Variants in COL4A3 observed in about 807,000 individuals in gnomAD.
COL4A3 encodes the protein collagen alpha-3(IV) chain.
In COL4A3, 135 loss-of-function variants were observed where a neutral mutation model predicts 217.4. The ratio of observed to expected loss-of-function variants is 0.62; its 90% CI spans 0.54 to 0.72. The LOEUF (loss-of-function observed/expected upper bound fraction) is 0.72. Among genes scored for constraint, COL4A3 ranks in the 30% least tolerant of loss-of-function variants. The pLI is 0.00. For synonymous variants in COL4A3, 690 were observed against 736.3 expected (o/e 0.94, Z 1.02); for missense variants, 1,868 against 2,119.9 (o/e 0.88, Z 2.33).
intron 1 of COL4A3, among the ~76,000 whole-genome samples, chr2:227,180,835 C>T (rs1016956419): frequency 6.6e-6 from 1 of 152,172 alleles, no homozygotes; most frequent in Non-Finnish European, 1.5e-5. Flanking sequence ...TTTTTATACT[C>T]ATTTAATTCT....
At position 227,237,907 on chromosome 2, in the gene COL4A3, T is replaced by C. The variant is rs1015643525; in HGVS notation, c.88-61T>C. ...CAGAGAAATGCATTTGCTTTTACCCTGCCGGTTGGGATTTATTCAGCTGTT... is the reference window on the plus strand; with the variant it reads ...CAGAGAAATGCATTTGCTTTTACCCCGCCGGTTGGGATTTATTCAGCTGTT... On this transcript the variant is annotated intron_variant, in intron 1 of 51. Transcript: ENST00000396578. 4 of 1,265,438 alleles carry C rather than the reference T, an allele frequency of 3.2e-6. No homozygotes were observed. In the African/African-American group the frequency reaches 4.4e-5, roughly 14 times the overall value. The allele number at this position is 1,265,438 out of a possible 1,614,324, so 78.4% of individuals were successfully genotyped here.
At chr2:227,165,133 G>A (rs965685239) in intron 1 of COL4A3, among the ~76,000 whole-genome samples, 1 of 152,162 alleles carries the variant, frequency 6.6e-6, no homozygotes, top group Admixed American at 6.5e-5. Context: ...AATCGCCAGG[G>A]ATGATACGTG....
chr2:227,227,216 C>T (rs2068144212), intron 1 of COL4A3, among the ~76,000 whole-genome samples: 1 of 152,160 alleles, frequency 6.6e-6, no homozygotes, highest in Non-Finnish European at 1.5e-5. Context: ...ATTTTACGTC[C>T]CATCATGAGG....
Position 227,289,267 on chromosome 2 carries a change from T to C in COL4A3, c.2980+19T>C, listed in dbSNP as rs773456839. On this transcript the variant is annotated intron_variant, in intron 35 of 51. Coordinates refer to ENST00000396578, the MANE Select transcript of COL4A3 (RefSeq NM_000091.5). ...CCACCAGGTACAGCTGATTCTCAAATAGAAAAATATCACATTTTACACTTT... is the reference window on the plus strand; with the variant it reads ...CCACCAGGTACAGCTGATTCTCAAACAGAAAAATATCACATTTTACACTTT... 5 of 1,591,616 alleles carry C rather than the reference T, an allele frequency of 3.1e-6. No individual in the cohort carries two copies. The African/African-American group carries it at 5.4e-5, about 17-fold the overall frequency.
intron 21 of COL4A3, among the ~76,000 whole-genome samples, chr2:227,266,178 CCA>C (rs1491103045): frequency 6.7e-6 from 1 of 148,606 alleles, no homozygotes; most frequent in Non-Finnish European, 1.5e-5. Context: ...GATTCTGTGA[CCA>C]AAAAAAAAAA....
At chr2:227,251,105 T>G in intron 9 of COL4A3, 35 bp from the exon 10 acceptor site, 1 of 1,528,162 alleles carries the variant, frequency 6.5e-7, no homozygotes, top group Non-Finnish European at 9.1e-7. Context: ...GAGAAGTAAA[T>G]TTAAACTTAC....
chr2:227,276,208 A>G (rs1457456823), intron 26 of COL4A3, among the ~76,000 whole-genome samples, 177 bp from the exon 27 acceptor site: 1 of 152,282 alleles, frequency 6.6e-6, no homozygotes, highest in Non-Finnish European at 1.5e-5. Flanking sequence ...TGTTGATTCA[A>G]TAAGAAAGTT....
intron 1 of COL4A3, among the ~76,000 whole-genome samples, chr2:227,220,180 CTTTTTTTT>C (rs534893588): frequency 2.4e-5 from 2 of 82,976 alleles, no homozygotes; most frequent in African/African-American, 4.9e-5. Context: ...GAGACAAAGC[CTTTTTTTT>C]TTTTTTTTTT....
intron 1 of COL4A3, among the ~76,000 whole-genome samples, chr2:227,220,158 GTGTGTGTT>G (rs1442436223): frequency 1.4e-5 from 2 of 147,362 alleles, no homozygotes; most frequent in African/African-American, 5.0e-5. Context: ...GTGTGTGTGT[GTGTGTGTT>G]TCAGAGACAA....
intron 1 of COL4A3, among the ~76,000 whole-genome samples, chr2:227,203,270 T>C (rs1177400140): frequency 2.4e-4 from 5 of 20,914 alleles, no homozygotes; most frequent in Non-Finnish European, 7.0e-4. Flanking sequence ...CATATATGTG[T>C]ATATATGTGT....
intron 1 of COL4A3, among the ~76,000 whole-genome samples, chr2:227,236,146 T>C (rs949919358): frequency 7.9e-5 from 12 of 152,230 alleles, no homozygotes; most frequent in African/African-American, 2.9e-4. Flanking sequence ...CACTCATTGA[T>C]TGATGGGCAT....
At chr2:227,220,671 G>A (rs989357580) in intron 1 of COL4A3, among the ~76,000 whole-genome samples, 1 of 151,378 alleles carries the variant, frequency 6.6e-6, no homozygotes, top group African/African-American at 2.4e-5. Context: ...TCACTATGTT[G>A]CATAGGCTGG....
At chr2:227,293,462 C>T in intron 38 of COL4A3, 145 bp downstream of exon 38, 11 of 926,328 alleles carry the variant, frequency 1.2e-5, no homozygotes, top group Non-Finnish European at 1.8e-5. Context: ...TTCTAACACA[C>T]TAAGAGAATT....
intron 47 of COL4A3, among the ~76,000 whole-genome samples, chr2:227,305,979 T>A (rs1238187622): frequency 6.6e-6 from 1 of 152,258 alleles, no homozygotes; most frequent in Non-Finnish European, 1.5e-5. Flanking sequence ...CTTAAATTTT[T>A]AAAAATTCAA....
In COL4A3 at chr2:227,253,654, TATG is replaced by T. The variant is rs1430397396; in HGVS notation, c.765+19_765+21del. 2 of 1,606,312 alleles carry T rather than the reference TATG, an allele frequency of 1.2e-6. No homozygotes were observed. The highest frequency in any genetic ancestry group is 1.7e-6 in the Non-Finnish European group (2 of 1,173,110). Reference sequence around the variant, plus strand: ...TAACAGAACGGTAACTCTGCGATTTTATGATTAGTGTTGTGCCTTCCCGTGTCT... The same window carrying T: ...TAACAGAACGGTAACTCTGCGATTTTATTAGTGTTGTGCCTTCCCGTGTCT... On this transcript the variant is annotated intron_variant, in intron 13 of 51. Coordinates refer to ENST00000396578, the MANE Select transcript of COL4A3 (RefSeq NM_000091.5). This position sits in a 1 kb window ranked among gnomAD's most constrained non-coding sequence, Gnocchi z 4.4.
intron 1 of COL4A3, among the ~76,000 whole-genome samples, chr2:227,236,427 G>GT (rs35474987): frequency 0.17 from 25,442 of 152,022 alleles, 2,299 homozygotes; most frequent in Middle Eastern, 0.22. Flanking sequence ...GTTTGTGTGG[G>GT]TTTTTTTGTT....
At chr2:227,249,895 T>C (rs1236298711) in intron 9 of COL4A3, among the ~76,000 whole-genome samples, 1 of 152,208 alleles carries the variant, frequency 6.6e-6, no homozygotes, top group Non-Finnish European at 1.5e-5. Flanking sequence ...TATTAGTCAT[T>C]GTGATGATGC....
intron 48 of COL4A3, among the ~76,000 whole-genome samples, chr2:227,308,482 G>A (rs2073605890): frequency 6.6e-6 from 1 of 152,216 alleles, no homozygotes; most frequent in Admixed American, 6.5e-5. Flanking sequence ...CCAAAGTGCT[G>A]GGATTACAGG....
chr2:227,289,093 G>T, intron 34 of COL4A3, 57 bp from the exon 35 acceptor site: 1 of 1,360,044 alleles, frequency 7.4e-7, no homozygotes, highest in East Asian at 2.4e-5. Flanking sequence ...TGGGATTACA[G>T]GCACCTGCCA....
Sources: allele counts gnomAD v4.1 joint callset (sites outside exome capture counted in the v4.1 genomes callset), GRCh38; gene constraint gnomAD v4.1.1; non-coding constraint Gnocchi (gnomAD v3.1); transcripts MANE v1.5; gene names NCBI Gene and HGNC (gene_info 2026-07-23, HGNC 2026-07-21).